SEC14L1: variants seen among roughly 807,000 people sequenced by gnomAD.
SEC14L1 encodes the protein SEC14 like lipid binding 1, also known as SEC14-like protein 1.
A neutral mutation model predicts 85.3 loss-of-function variants in SEC14L1; 48 were observed. The observed-to-expected ratio is 0.56, with a 90% confidence interval of 0.45 to 0.72. The LOEUF (loss-of-function observed/expected upper bound fraction) is 0.72. SEC14L1 is among the 30% of genes least tolerant of loss of function. SEC14L1 has a pLI of 0.00. For missense variants in SEC14L1, 682 were observed against 921.4 expected, an observed-to-expected ratio of 0.74 and a Z score of 3.36; for synonymous variants, 391 against 355.5, an observed-to-expected ratio of 1.10 and a Z score of -1.12.
rs1316692087 is a variant in SEC14L1, at chr17:77,215,327, C to T, written c.*1304C>T. ...TGTCCAGAAGTTGCATAGGGGATGG[C>T]CTCCACGATAAGGACATGCAACACG... On this transcript the variant is annotated 3_prime_UTR_variant, in exon 17 of 17. Transcript: ENST00000436233. 1.3e-5 allele frequency: 13 copies of T among 985,262 alleles called. No homozygotes were observed. Among genetic ancestry groups the T allele is most frequent in the African/African-American group, 1.7e-5 (1 of 57,190 alleles). 61.0% of individuals were successfully genotyped at this position (985,262 alleles called of 1,614,324 possible).
At chr17:77,126,986 T>A (rs1290128908) in intron 3 of SEC14L1, among the ~76,000 whole-genome samples, 2 of 151,968 alleles carry the variant, frequency 1.3e-5, no homozygotes, top group Non-Finnish European at 2.9e-5. Flanking sequence ...TTTTTTAATT[T>A]TTATTTATTT....
At chr17:77,164,608 C>T (rs1701120896) in intron 3 of SEC14L1, among the ~76,000 whole-genome samples, 2 of 152,184 alleles carry the variant, frequency 1.3e-5, no homozygotes, top group African/African-American at 2.4e-5. Flanking sequence ...TTTGCTCTGC[C>T]ATATGCCTCC....
At chr17:77,105,737 G>T (rs541454541) in intron 3 of SEC14L1, among the ~76,000 whole-genome samples, 1 of 152,260 alleles carries the variant, frequency 6.6e-6, no homozygotes, top group Admixed American at 6.5e-5. Context: ...TAGGATCTGG[G>T]GCTTGTATAC....
intron 3 of SEC14L1, among the ~76,000 whole-genome samples, chr17:77,097,059 C>T (rs117380308): frequency 0.021 from 3,205 of 152,272 alleles, 71 homozygotes; most frequent in Admixed American, 0.053. Context: ...TACATTTCTC[C>T]GTTCCAATGT....
chr17:77,091,186 C>G (rs1185503707), intron 2 of SEC14L1, among the ~76,000 whole-genome samples: 1 of 152,138 alleles, frequency 6.6e-6, no homozygotes, highest in African/African-American at 2.4e-5. Context: ...CTCCCAGATT[C>G]AAGCGATTCT....
Position 77,206,683 on chromosome 17 carries a change from C to T in SEC14L1, c.1342-45C>T. 1 of 1,561,122 alleles carries T rather than the reference C, an allele frequency of 6.4e-7. No homozygotes were observed. The highest frequency in any genetic ancestry group is 8.7e-7 in the Non-Finnish European group (1 of 1,155,808). ...CATTGTCATTTTAATCTTGGACACT[C>T]AGGCAGCAGAGAAATATGACTGCAT... On this transcript the variant is annotated intron_variant, in intron 12 of 16. Coordinates refer to ENST00000436233, the MANE Select transcript of SEC14L1 (RefSeq NM_001143998.2). The surrounding 1 kb of genome is among the most constrained non-coding windows in gnomAD (Gnocchi z 4.3).
At chr17:77,195,251 C>G (rs966887756) in intron 7 of SEC14L1, among the ~76,000 whole-genome samples, 2 of 151,770 alleles carry the variant, frequency 1.3e-5, no homozygotes, top group African/African-American at 4.8e-5. Context: ...CTGCCTCGGC[C>G]TCCCAAAGTG....
At chr17:77,174,416 A>G (rs554400067) in intron 3 of SEC14L1, among the ~76,000 whole-genome samples, 1 of 152,330 alleles carries the variant, frequency 6.6e-6, no homozygotes, top group East Asian at 1.9e-4. Flanking sequence ...ACGGAACCAC[A>G]GATCCGGACT....
chr17:77,125,645 G>A (rs1239719768), intron 3 of SEC14L1, among the ~76,000 whole-genome samples: 1 of 152,152 alleles, frequency 6.6e-6, no homozygotes, highest in Admixed American at 6.5e-5. Flanking sequence ...ATGTGTCCGT[G>A]GTTTGCCTGC....
chr17:77,106,799 T>A (rs1971925052), intron 3 of SEC14L1, among the ~76,000 whole-genome samples: 1 of 152,152 alleles, frequency 6.6e-6, no homozygotes, highest in Admixed American at 6.5e-5. Context: ...GTGGCGCCAC[T>A]GCACTCCAAC....
intron 2 of SEC14L1, among the ~76,000 whole-genome samples, chr17:77,092,052 G>A (rs1307337961): frequency 2.0e-5 from 3 of 152,052 alleles, no homozygotes; most frequent in African/African-American, 4.8e-5. Flanking sequence ...CAGGTGATCC[G>A]CCTGCCTTAG....
At chr17:77,103,533 C>G (rs1216097237) in intron 3 of SEC14L1, among the ~76,000 whole-genome samples, 1 of 151,062 alleles carries the variant, frequency 6.6e-6, no homozygotes, top group Non-Finnish European at 1.5e-5. Context: ...CCTCTGCCTC[C>G]TGGGCTCAAG....
At chr17:77,162,131 T>G (rs7206938) in intron 3 of SEC14L1, among the ~76,000 whole-genome samples, 61,022 of 151,790 alleles carry the variant, frequency 0.4, 12,522 homozygotes, top group Admixed American at 0.47. Context: ...ACGAGGGGCT[T>G]TCTGCACCGG....
At chr17:77,106,941 C>G (rs1014813345) in intron 3 of SEC14L1, among the ~76,000 whole-genome samples, 2 of 152,184 alleles carry the variant, frequency 1.3e-5, no homozygotes. Context: ...TGCTGACTCC[C>G]CATGAATGCT....
In SEC14L1 at chr17:77,182,631, G is replaced by C. The variant is rs540072275; in HGVS notation, c.64-8172G>C. Among the ~76,000 whole-genome samples the C allele has an allele frequency of 1.4e-4, 22 of 152,160 alleles. No individual in the cohort carries two copies. The South Asian group carries it at 4.4e-3, about 30-fold the overall frequency. On this transcript the variant is annotated intron_variant, in intron 3 of 16. Coordinates refer to ENST00000436233, the MANE Select transcript of SEC14L1 (RefSeq NM_001143998.2). ...ACTTACTTCTGGGAGAGTTCATTTC[G>C]TCCAGCCTTTCTTGACTGTGTGTTT...
rs756409019 is a variant in SEC14L1 at position 77,215,107 on chromosome 17, G to C, written c.*1084G>C. ...CTGTGTGTGTGCATGTGTGCATGAC[G>C]GTGGGGGTGCTGGGGGGACGGGGTG... On this transcript the variant is annotated 3_prime_UTR_variant, in exon 17 of 17. Coordinates refer to ENST00000436233, the MANE Select transcript of SEC14L1 (RefSeq NM_001143998.2). 9 of 985,508 alleles carry C rather than the reference G, an allele frequency of 9.1e-6. No homozygotes were observed. The African/African-American group carries it at 1.6e-4, about 17-fold the overall frequency. The allele number at this position is 985,508 out of a possible 1,614,324, so 61.0% of individuals were successfully genotyped here. A position where few individuals can be genotyped will look rare whatever the true frequency, so the allele number is the denominator to read the frequency against.
intron 3 of SEC14L1, among the ~76,000 whole-genome samples, chr17:77,174,265 C>T (rs1353227714): frequency 6.6e-6 from 1 of 152,086 alleles, no homozygotes; most frequent in Non-Finnish European, 1.5e-5. Context: ...CTTGAGATTT[C>T]TTGCATTCTT....
At chr17:77,145,272 G>T (rs1211434397) in intron 3 of SEC14L1, among the ~76,000 whole-genome samples, 1 of 152,162 alleles carries the variant, frequency 6.6e-6, no homozygotes, top group Non-Finnish European at 1.5e-5. Context: ...GGGATTACAG[G>T]TGTGAGCCAC....
At chr17:77,184,398 GA>G (rs1975174694) in intron 3 of SEC14L1, among the ~76,000 whole-genome samples, 1 of 152,210 alleles carries the variant, frequency 6.6e-6, no homozygotes, top group Non-Finnish European at 1.5e-5. Flanking sequence ...TTGGTGGCTA[GA>G]AAATGGTGAT....
Sources: allele counts gnomAD v4.1 joint callset (sites outside exome capture counted in the v4.1 genomes callset), GRCh38; gene constraint gnomAD v4.1.1; non-coding constraint Gnocchi (gnomAD v3.1); transcripts MANE v1.5; gene names NCBI Gene and HGNC (gene_info 2026-07-23, HGNC 2026-07-21).